Variants in TRIM28 observed in about 807,000 individuals in gnomAD.
TRIM28 encodes the protein transcription intermediary factor 1-beta.
Under a neutral mutation model 87.4 loss-of-function variants are expected in TRIM28, and 8 were observed. That is an observed-to-expected ratio of 0.09 (90% CI 0.05 to 0.17). The LOEUF is 0.17. TRIM28 is among the 10% of genes least tolerant of loss of function. TRIM28 has a pLI of 1.00. For synonymous variants in TRIM28, 601 were observed against 454.3 expected, an observed-to-expected ratio of 1.32 and a Z score of -4.11; for missense variants, 968 against 1,131.8, an observed-to-expected ratio of 0.86 and a Z score of 2.08.
At chr19:58,545,127 C>T (rs774235752) in intron 1 of TRIM28, 30 bp downstream of exon 1, 2 of 1,388,172 alleles carry the variant, frequency 1.4e-6, no homozygotes, top group Admixed American at 3.4e-5. Flanking sequence ...TGCCACCCCT[C>T]CCCCTACTCT....
rs1319950932 is a variant in TRIM28 at position 58,548,125 on chromosome 19, C to T, written c.1046C>T (p.Ala349Val). ...QKHQEHILRFASWALESDNNT... is the reference protein window; with the variant it reads ...QKHQEHILRFVSWALESDNNT... ...CACCAGGAGCACATTCTGCGCTTTG[C>T]CTCTTGGGCTCTGGAGAGTGACAAC... The change falls in exon 7 of 17, where the codon GCC (alanine) becomes GTC (valine). Residue 349 changes from alanine (A) to valine (V), a missense_variant. Ala to Val is a moderately conservative substitution (Grantham distance 64). Coordinates refer to ENST00000253024, the MANE Select transcript of TRIM28 (RefSeq NM_005762.3). 3.1e-6 allele frequency: 5 copies of T among 1,614,110 alleles called. No homozygotes were observed. The highest frequency in any genetic ancestry group is 1.7e-5 in the Admixed American group (1 of 60,014).
In TRIM28 at chr19:58,545,814, G is replaced by C; in HGVS notation, c.504G>C (p.Glu168Asp). The C allele has an allele frequency of 1.2e-6, 2 of 1,612,250 alleles. No individual in the cohort carries two copies. Among genetic ancestry groups the C allele is most frequent in the Non-Finnish European group, 1.7e-6 (2 of 1,179,300 alleles). ...DNAPATSYCV[E>D]CSEPLCETCV... is the part of the protein sequence containing the mutation. ...CCCCAGCCACCAGCTACTGTGTGGA[G>C]TGCTCGGAGCCTCTGTGTGAGACCT... Residue 168 changes from glutamate (E) to aspartate (D), a missense_variant, in exon 3 of 17, where the codon GAG becomes GAC. Physicochemically the swap from Glu to Asp is conservative, Grantham distance 45 (BLOSUM62 2). Coordinates refer to ENST00000253024, the MANE Select transcript of TRIM28 (RefSeq NM_005762.3).
chr19:58,547,574 G>A (rs1469866500), intron 4 of TRIM28, 23 bp from the exon 5 acceptor site: 3 of 1,613,810 alleles, frequency 1.9e-6, no homozygotes, highest in Non-Finnish European at 2.5e-6. Flanking sequence ...TTAGTGCTCA[G>A]GAACACATCT....
In TRIM28 at chr19:58,544,903, C is replaced by T. The variant is rs1181866489; in HGVS notation, c.146C>T (p.Ser49Leu). 2.2e-6 allele frequency: 3 copies of T among 1,383,322 alleles called. No individual in the cohort carries two copies. The highest frequency in any genetic ancestry group is 3.2e-5 in the South Asian group (2 of 62,718). 85.7% of individuals were successfully genotyped at this position (1,383,322 alleles called of 1,614,324 possible). ...AASASASAAA[S>L]SPAGGGAEAL... ...TCGGCCTCTGCCTCAGCCGCGGCGT[C>T]GTCGCCCGCGGGGGGCGGCGCCGAG... Residue 49 changes from serine (S) to leucine (L), a missense_variant, in exon 1 of 17, where the codon TCG becomes TTG. Physicochemically the swap from Ser to Leu is moderately radical, Grantham distance 145 (BLOSUM62 -2). This residue lies in a region of TRIM28 where 208 missense variants were observed against 170.9 expected (regional missense o/e 1.22). Transcript: ENST00000253024.
Position 58,544,985 on chromosome 19 carries a change from G to C in TRIM28, c.228G>C (p.Arg76Ser). ...GCAGAGAGCGCCTGCGACCCGAGAG[G>C]GAGCCCCGCCTGCTGCCCTGTTTGC... ...GVCRERLRPE[R>S]EPRLLPCLHS... The change falls in exon 1 of 17, where the codon AGG becomes AGC. Residue 76 changes from arginine to serine, a missense_variant. Coordinates refer to ENST00000253024, the MANE Select transcript of TRIM28 (RefSeq NM_005762.3). 6.6e-7 allele frequency: 1 copy of C among 1,515,882 alleles called. No individual in the cohort carries two copies. Among genetic ancestry groups the C allele is most frequent in the South Asian group, 1.2e-5 (1 of 82,064 alleles). The allele number at this position is 1,515,882 out of a possible 1,614,324, so 93.9% of individuals were successfully genotyped here.
Position 58,548,289 on chromosome 19 carries a change from A to C in TRIM28, c.1102-5A>C, listed in dbSNP as rs199799908. ...CATTCTTTCCTCCCTTTCACTCCCAACCAGATCTACTTCCAGCTGCACCGG... is the reference window on the plus strand; with the variant it reads ...CATTCTTTCCTCCCTTTCACTCCCACCCAGATCTACTTCCAGCTGCACCGG... On this transcript the variant is annotated splice_polypyrimidine_tract_variant and splice_region_variant and intron_variant, in intron 7 of 16. Coordinates refer to ENST00000253024, the MANE Select transcript of TRIM28 (RefSeq NM_005762.3). 9.8e-4 allele frequency: 1,584 copies of C among 1,613,916 alleles called. 4 individuals are homozygous for C. The Middle Eastern group carries it at 9.9e-3, about 10-fold the overall frequency.
At position 58,550,303 on chromosome 19, in the gene TRIM28, G is replaced by A; in HGVS notation, c.2331+19G>A. On this transcript the variant is annotated intron_variant, in intron 16 of 16. Coordinates refer to ENST00000253024, the MANE Select transcript of TRIM28 (RefSeq NM_005762.3). ...AACTGAGGTGAGCCAGTGGAATGGAGAGGCTGTGGGCAGGGGGAGATGTGA... is the reference window on the plus strand; with the variant it reads ...AACTGAGGTGAGCCAGTGGAATGGAAAGGCTGTGGGCAGGGGGAGATGTGA... The A allele has an allele frequency of 2.5e-6, 4 of 1,614,028 alleles. No individual in the cohort carries two copies. The highest frequency in any genetic ancestry group is 3.4e-6 in the Non-Finnish European group (4 of 1,179,900).
chr19:58,549,246 C>G lies in TRIM28; in HGVS notation c.1662+6C>G. ...CTGGCATGGCCATTGTCAAGGTAAG[C>G]CTGTCCCAAGGAACTATAGCTGTAG... On this transcript the variant is annotated splice_donor_region_variant and intron_variant, in intron 12 of 16. Transcript: ENST00000253024. This position sits in a 1 kb window ranked among gnomAD's most constrained non-coding sequence, Gnocchi z 4.4. 1 of 1,611,984 alleles carries G rather than the reference C, an allele frequency of 6.2e-7. No individual in the cohort carries two copies. The highest frequency in any genetic ancestry group is 1.3e-5 in the African/African-American group (1 of 74,998).
In TRIM28 at chr19:58,547,634, A is replaced by G. The variant is rs759275971; in HGVS notation, c.760A>G (p.Lys254Glu). The change falls in exon 5 of 17, where the codon AAG becomes GAG. Residue 254 changes from lysine (K) to glutamate (E), a missense_variant. Lys to Glu is a moderately conservative substitution (Grantham distance 56). This residue lies in a region of TRIM28 where 103 missense variants were observed against 139.0 expected (regional missense o/e 0.74). Transcript: ENST00000253024. ...AGAGGATGCAGTGAGGAACCAGCGC[A>G]AGCTCCTGGCCTCACTGGTGAAGCG... The part of the protein sequence containing the change: ...FLEDAVRNQR[K>E]LLASLVKRLG... The G allele has an allele frequency of 6.2e-7, 1 of 1,614,100 alleles. No homozygotes were observed. The highest frequency in any genetic ancestry group is 1.1e-5 in the South Asian group (1 of 91,088).
Position 58,548,534 on chromosome 19 carries a change from C to T in TRIM28, c.1265C>T (p.Pro422Leu). 1 of 1,613,980 alleles carries T rather than the reference C, an allele frequency of 6.2e-7. No individual in the cohort carries two copies. ...GGCACTAACTCAACAGGCCCTGCAC[C>T]CATGGCCCCTCCAAGAGCCCCAGGG... is the stretch of plus-strand genomic sequence containing the variant. ...RPGTNSTGPA[P>L]MAPPRAPGPL... The change falls in exon 9 of 17, where the codon CCC (proline) becomes CTC (leucine). Residue 422 changes from proline (P) to leucine (L), a missense_variant. Physicochemically the swap from Pro to Leu is moderately conservative, Grantham distance 98. Around this residue, in one of 11 missense-constraint regions of TRIM28, gnomAD observed 119 missense variants for 93.6 expected, o/e 1.27. Coordinates refer to ENST00000253024, the MANE Select transcript of TRIM28 (RefSeq NM_005762.3).
chr19:58,546,091 G>A (rs774206114), intron 3 of TRIM28, among the ~76,000 whole-genome samples, 195 bp downstream of exon 3: 7 of 152,070 alleles, frequency 4.6e-5, no homozygotes, highest in Admixed American at 1.3e-4. Flanking sequence ...AGGTGGGAGA[G>A]GGTGGGAAGG....
chr19:58,545,155 T>C (rs2053749664), intron 1 of TRIM28, 58 bp downstream of exon 1: 1 of 1,351,754 alleles, frequency 7.4e-7, no homozygotes, highest in African/African-American at 1.5e-5. Context: ...TGATTCCGAC[T>C]GGGTGCAGAG....
At position 58,547,390 on chromosome 19, in the gene TRIM28, C is replaced by T. The variant is rs548553991; in HGVS notation, c.601C>T (p.Arg201Trp). Residue 201 changes from arginine (R) to tryptophan (W), a missense_variant, in exon 4 of 17, where the codon CGG becomes TGG. Around this residue, in one of 11 missense-constraint regions of TRIM28, gnomAD observed 103 missense variants for 139.0 expected, o/e 0.74. Coordinates refer to ENST00000253024, the MANE Select transcript of TRIM28 (RefSeq NM_005762.3). ...CCACTCCCCAGGGCCAGCCAAGTCT[C>T]GGGATGGTGAACGTACTGTCTATTG... ...TVRSTGPAKS[R>W]DGERTVYCNV... 1.1e-5 allele frequency: 18 copies of T among 1,613,702 alleles called. No homozygotes were observed. Among genetic ancestry groups the T allele is most frequent in the South Asian group, 4.4e-5 (4 of 91,076 alleles).
chr19:58,546,072 C>A (rs1030453607), intron 3 of TRIM28, among the ~76,000 whole-genome samples, 176 bp downstream of exon 3: 1 of 151,804 alleles, frequency 6.6e-6, no homozygotes, highest in African/African-American at 2.4e-5. Context: ...TGTGTAGTCT[C>A]TAGGGCCTAG....
At position 58,548,047 on chromosome 19, in the gene TRIM28, G is replaced by A; in HGVS notation, c.968G>A (p.Gly323Glu). 1.2e-6 allele frequency: 2 copies of A among 1,614,112 alleles called. No individual in the cohort carries two copies. Among genetic ancestry groups the A allele is most frequent in the Non-Finnish European group, 1.7e-6 (2 of 1,180,016 alleles). ...LVNDAQKVTE[G>E]QQERLERQHW... is the part of the protein sequence containing the mutation. ...TTCTATCTGCAGAAGGTGACTGAGG[G>A]GCAGCAGGAGCGCCTGGAGCGGCAG... The change falls in exon 7 of 17, where the codon GGG (glycine) becomes GAG (glutamate). Residue 323 changes from glycine to glutamate, a missense_variant. Gly to Glu is a moderately conservative substitution (Grantham distance 98). This residue lies in a region of TRIM28 where 84 missense variants were observed against 139.9 expected (regional missense o/e 0.60). Coordinates refer to ENST00000253024, the MANE Select transcript of TRIM28 (RefSeq NM_005762.3).
rs2053747140 is a variant in TRIM28, at chr19:58,544,957, T to C, written c.200T>C (p.Val67Ala). ...EALELLEHCG[V>A]CRERLRPERE... Reference sequence around the variant, plus strand: ...CTGGAGCTGCTGGAGCACTGCGGCGTGTGCAGAGAGCGCCTGCGACCCGAG... The same window carrying C: ...CTGGAGCTGCTGGAGCACTGCGGCGCGTGCAGAGAGCGCCTGCGACCCGAG... The change falls in exon 1 of 17, where the codon GTG (valine) becomes GCG (alanine). Residue 67 changes from valine (V) to alanine (A), a missense_variant. Physicochemically the swap from Val to Ala is moderately conservative, Grantham distance 64 (BLOSUM62 0). Around this residue, in one of 11 missense-constraint regions of TRIM28, gnomAD observed 208 missense variants for 170.9 expected, o/e 1.22. Transcript: ENST00000253024. 2.0e-6 allele frequency: 3 copies of C among 1,502,362 alleles called. No individual in the cohort carries two copies. Among genetic ancestry groups the C allele is most frequent in the African/African-American group, 2.9e-5 (2 of 69,230 alleles). 93.1% of individuals were successfully genotyped at this position (1,502,362 alleles called of 1,614,324 possible).
intron 3 of TRIM28, among the ~76,000 whole-genome samples, chr19:58,546,383 TC>T (rs2053761512): frequency 6.6e-6 from 1 of 152,224 alleles, no homozygotes; most frequent in South Asian, 2.1e-4. Context: ...GTTTGGCATT[TC>T]CAGCTTTTCA....
rs769618389 is a variant in TRIM28, at chr19:58,548,720, G to T, written c.1324-20G>T. On this transcript the variant is annotated intron_variant, in intron 9 of 16. Transcript: ENST00000253024. The stretch of plus-strand genomic sequence containing the variant: ...AGGGTTCCTGTCCCACTGAGGCAGA[G>T]GGTTCTGCTTTGTTCACAGCCCATG... 2 of 1,613,208 alleles carry T rather than the reference G, an allele frequency of 1.2e-6. No individual in the cohort carries two copies. Among genetic ancestry groups the T allele is most frequent in the East Asian group, 4.5e-5 (2 of 44,886 alleles).
chr19:58,544,323 A>T lies in TRIM28; in HGVS notation c.-435A>T, dbSNP rs1022338027. 6.6e-6 allele frequency: 1 copy of T among 152,126 alleles called. No homozygotes were observed. Among genetic ancestry groups the T allele is most frequent in the African/African-American group, 2.4e-5 (1 of 41,396 alleles). 9.4% of individuals were successfully genotyped at this position (152,126 alleles called of 1,614,324 possible). ...GGTTGGCGGTGGTGGAAGGACTAGG[A>T]GTTGGCGCGTGCGTACTGGCGGCCT... On this transcript the variant is annotated 5_prime_UTR_variant, in exon 1 of 17. Coordinates refer to ENST00000253024, the MANE Select transcript of TRIM28 (RefSeq NM_005762.3).
Sources: gnomAD v4.1 joint callset for allele counts (sites outside exome capture counted in the v4.1 genomes callset) on GRCh38, gnomAD v4.1.1 for gene constraint, gnomAD v4.1.1 regional missense constraint, Gnocchi (gnomAD v3.1) non-coding constraint, MANE v1.5 for transcripts, NCBI Gene and HGNC (gene_info 2026-07-23, HGNC 2026-07-21) for gene names.